Variants in KLHL29 observed in about 807,000 individuals in gnomAD.
KLHL29 encodes kelch like family member 29, also known as kelch-like protein 29.
KLHL29 carries 21 observed loss-of-function variants against 80.4 expected under a neutral mutation model. The ratio of observed to expected loss-of-function variants is 0.26; its 90% CI spans 0.19 to 0.38. KLHL29 has a LOEUF of 0.38. KLHL29 is among the 10% of genes least tolerant of loss of function. The pLI, the probability that KLHL29 is intolerant of heterozygous loss-of-function variation, is 1.00. For synonymous variants in KLHL29, 511 were observed against 526.8 expected, an observed-to-expected ratio of 0.97 and a Z score of 0.41; for missense variants, 867 against 1,223.9, an observed-to-expected ratio of 0.71 and a Z score of 4.35.
chr2:23,697,698 C>T (rs2149216033), intron 11 of KLHL29: 1 of 151,990 alleles, frequency 6.6e-6, no homozygotes, highest in South Asian at 2.1e-4. Context: ...GGCTCAGTAA[C>T]AACATTTAGT....
chr2:23,564,955 G>T (rs188512745), intron 3 of KLHL29, among the ~76,000 whole-genome samples: 19 of 152,318 alleles, frequency 1.2e-4, no homozygotes, highest in Admixed American at 2.6e-4. Flanking sequence ...CCCTTCTACC[G>T]CTTGCTATCT....
At chr2:23,604,261 G>A (rs529116937) in intron 3 of KLHL29, among the ~76,000 whole-genome samples, 33 of 133,032 alleles carry the variant, frequency 2.5e-4, no homozygotes, top group African/African-American at 6.5e-4. Context: ...CCGCCACCAC[G>A]CCTGGCTGTA....
At chr2:23,508,526 A>C (rs1009717830) in intron 2 of KLHL29, among the ~76,000 whole-genome samples, 2 of 152,248 alleles carry the variant, frequency 1.3e-5, no homozygotes, top group African/African-American at 2.4e-5. Context: ...CCATTCTATT[A>C]GTTACAAGTG....
rs558853250 is a variant in KLHL29, at chr2:23,587,776, A to G, written c.285+25295A>G. Reference sequence around the variant, plus strand: ...TTAGATTCCTTTATTATCCTAAAACATGCCTGCTAAGCGGTTCCGTGTCTG... The same window carrying G: ...TTAGATTCCTTTATTATCCTAAAACGTGCCTGCTAAGCGGTTCCGTGTCTG... On this transcript the variant is annotated intron_variant, in intron 3 of 13. Transcript: ENST00000486442. Among the ~76,000 whole-genome samples the G allele has an allele frequency of 2.5e-4, 38 of 152,302 alleles. 1 individual carries two copies. The highest frequency in any genetic ancestry group is 8.7e-4 in the African/African-American group (36 of 41,560).
intron 2 of KLHL29, among the ~76,000 whole-genome samples, chr2:23,542,703 A>T (rs534125022): frequency 6.6e-6 from 1 of 152,346 alleles, no homozygotes; most frequent in African/African-American, 2.4e-5. Flanking sequence ...GAGGAGGGGC[A>T]GGCTTCTGCC....
chr2:23,505,738 A>C (rs990316196), intron 2 of KLHL29, among the ~76,000 whole-genome samples: 2 of 152,238 alleles, frequency 1.3e-5, no homozygotes, highest in African/African-American at 4.8e-5. Flanking sequence ...TGGAAGGAAC[A>C]TGCTCAAAAG....
At chr2:23,427,297 C>A (rs577396528) in intron 1 of KLHL29, among the ~76,000 whole-genome samples, 1 of 152,252 alleles carries the variant, frequency 6.6e-6, no homozygotes. Flanking sequence ...TACGGTGTTA[C>A]CACAGGAAAT....
At chr2:23,536,469 A>C (rs931597696) in intron 2 of KLHL29, among the ~76,000 whole-genome samples, 1 of 152,130 alleles carries the variant, frequency 6.6e-6, no homozygotes, top group Non-Finnish European at 1.5e-5. Context: ...CCTGCCGTGG[A>C]GAGTTTAAAG....
intron 1 of KLHL29, among the ~76,000 whole-genome samples, chr2:23,389,699 A>AGG (rs370112659): frequency 6.6e-5 from 10 of 150,434 alleles, no homozygotes; most frequent in South Asian, 2.1e-4. Flanking sequence ...GAAAAAAAAA[A>AGG]GGGGGGGGCG....
Position 23,695,609 on chromosome 2 carries a change from C to T in KLHL29, c.1543-14C>T. The T allele has an allele frequency of 1.3e-6, 2 of 1,541,230 alleles. No individual in the cohort carries two copies. The highest frequency in any genetic ancestry group is 8.8e-7 in the Non-Finnish European group (1 of 1,141,400). ...TTGCTAGTCTAAGAAGATTCTGTCT[C>T]CTGTACCCTGCAGTACGCGGCTGAG... On this transcript the variant is annotated splice_polypyrimidine_tract_variant and intron_variant, in intron 8 of 13. Transcript: ENST00000486442. The surrounding 1 kb of genome is among the most constrained non-coding windows in gnomAD (Gnocchi z 7.6).
chr2:23,433,055 C>T (rs1162633783), intron 1 of KLHL29, among the ~76,000 whole-genome samples: 1 of 152,052 alleles, frequency 6.6e-6, no homozygotes, highest in African/African-American at 2.4e-5. Flanking sequence ...GAGTGTGTGC[C>T]CTCCGTTGTC....
chr2:23,571,635 A>C (rs1316692486), intron 3 of KLHL29, among the ~76,000 whole-genome samples: 2 of 152,170 alleles, frequency 1.3e-5, no homozygotes, highest in Admixed American at 1.3e-4. Context: ...CCTTGCTTTT[A>C]AGGAAGAGTC....
At chr2:23,636,216 G>A (rs896275411) in intron 3 of KLHL29, among the ~76,000 whole-genome samples, 3 of 152,170 alleles carry the variant, frequency 2.0e-5, no homozygotes, top group Admixed American at 2.0e-4. Context: ...CCACCCGGGG[G>A]CCCAGCCTCC....
chr2:23,447,237 C>T (rs1481946924), intron 1 of KLHL29, among the ~76,000 whole-genome samples: 1 of 152,226 alleles, frequency 6.6e-6, no homozygotes, highest in Non-Finnish European at 1.5e-5. Context: ...CAGGCATCCA[C>T]TGCCATCCAG....
chr2:23,697,909 T>C (rs1469111117), intron 11 of KLHL29: 1 of 152,226 alleles, frequency 6.6e-6, no homozygotes, highest in Non-Finnish European at 1.5e-5. Flanking sequence ...AAATGAGACA[T>C]TTTCTCTGTA....
chr2:23,604,297 G>A (rs961115130), intron 3 of KLHL29, among the ~76,000 whole-genome samples: 9 of 152,224 alleles, frequency 5.9e-5, no homozygotes, highest in South Asian at 2.1e-4. Context: ...GGGTTTCACC[G>A]TGTTAGCCAG....
intron 1 of KLHL29, among the ~76,000 whole-genome samples, chr2:23,459,533 A>G (rs978504003): frequency 6.6e-6 from 1 of 152,176 alleles, no homozygotes; most frequent in Non-Finnish European, 1.5e-5. Context: ...AAATGGGGAA[A>G]TGACGACCAA....
intron 3 of KLHL29, among the ~76,000 whole-genome samples, chr2:23,606,662 C>T (rs1668736810): frequency 6.6e-6 from 1 of 152,132 alleles, no homozygotes; most frequent in Non-Finnish European, 1.5e-5. Flanking sequence ...AATTTTGCTT[C>T]TAAAGTTAAA....
chr2:23,667,952 T>C (rs543173959), intron 5 of KLHL29: 1 of 152,464 alleles, frequency 6.6e-6, no homozygotes, highest in South Asian at 2.1e-4. Context: ...CTTTCCCTGG[T>C]AGGCGCTGCC....
Sources: gnomAD v4.1 joint callset for allele counts (sites outside exome capture counted in the v4.1 genomes callset) on GRCh38, gnomAD v4.1.1 for gene constraint, Gnocchi (gnomAD v3.1) non-coding constraint, MANE v1.5 for transcripts, NCBI Gene and HGNC (gene_info 2026-07-23, HGNC 2026-07-21) for gene names.